GALNTL6: variants seen among roughly 807,000 people sequenced by gnomAD.
The protein encoded by GALNTL6 is polypeptide N-acetylgalactosaminyltransferase-like 6.
Under a neutral mutation model 73.7 loss-of-function variants are expected in GALNTL6, and 46 were observed. That is an observed-to-expected ratio of 0.62 (90% CI 0.49 to 0.80). GALNTL6 has a LOEUF of 0.80. Ranked by LOEUF, GALNTL6 falls within the 30% of genes least tolerant of loss-of-function variation. The pLI is 0.00. For missense variants in GALNTL6, 604 were observed against 755.0 expected, an observed-to-expected ratio of 0.80 and a Z score of 2.34; for synonymous variants, 259 against 263.7, an observed-to-expected ratio of 0.98 and a Z score of 0.17.
chr4:172,480,832 A>G (rs1373375041), intron 5 of GALNTL6, among the ~76,000 whole-genome samples: 1 of 152,162 alleles, frequency 6.6e-6, no homozygotes, highest in Non-Finnish European at 1.5e-5. Flanking sequence ...CCTTGGCATA[A>G]TACCCAGGCT....
chr4:172,770,649 A>G (rs1738712044), intron 5 of GALNTL6, among the ~76,000 whole-genome samples: 1 of 152,230 alleles, frequency 6.6e-6, no homozygotes, highest in Non-Finnish European at 1.5e-5. Flanking sequence ...TTTAATTGAC[A>G]AATCAAAGGT....
At chr4:172,030,683 C>A (rs542829213) in intron 2 of GALNTL6, among the ~76,000 whole-genome samples, 2 of 151,944 alleles carry the variant, frequency 1.3e-5, no homozygotes, top group Non-Finnish European at 2.9e-5. Flanking sequence ...GTACTCTAGC[C>A]TGGGCCACAC....
chr4:172,545,832 C>A (rs1451118455), intron 5 of GALNTL6: 1 of 152,110 alleles, frequency 6.6e-6, no homozygotes, highest in Non-Finnish European at 1.5e-5. Flanking sequence ...AAGGAGATGC[C>A]TGTGGCCTAT....
At chr4:172,294,422 G>A (rs554456262) in intron 3 of GALNTL6, among the ~76,000 whole-genome samples, 24 of 152,264 alleles carry the variant, frequency 1.6e-4, no homozygotes, top group African/African-American at 5.5e-4. Context: ...CTCAAAGGAA[G>A]ATGCTAGCAG....
intron 7 of GALNTL6, among the ~76,000 whole-genome samples, chr4:172,849,475 C>T (rs1406689007): frequency 6.6e-6 from 1 of 151,964 alleles, no homozygotes; most frequent in Admixed American, 6.6e-5. Flanking sequence ...AATAGGCTCT[C>T]AAAAAATGTT....
At position 172,367,843 on chromosome 4, in the gene GALNTL6, T is replaced by C. The variant is rs115071198; in HGVS notation, c.553+19154T>C. On this transcript the variant is annotated intron_variant, in intron 5 of 12. Transcript: ENST00000506823. ...CTTAATCTTTTGGGAGAAAAATATG[T>C]ATATGTCTCATTAACATCGCTTATA... Among the ~76,000 whole-genome samples the C allele has an allele frequency of 7.3e-3, 1,114 of 152,326 alleles. 12 individuals carry two copies. The highest frequency in any genetic ancestry group is 0.025 in the African/African-American group (1,051 of 41,568).
intron 2 of GALNTL6, among the ~76,000 whole-genome samples, chr4:172,052,041 A>T (rs373540135): frequency 1.3e-5 from 2 of 152,188 alleles, no homozygotes; most frequent in Admixed American, 1.3e-4. Flanking sequence ...CTTCTAGGAG[A>T]TGAAATATTG....
intron 5 of GALNTL6, among the ~76,000 whole-genome samples, chr4:172,605,102 G>T (rs1738204700): frequency 6.6e-6 from 1 of 152,152 alleles, no homozygotes; most frequent in South Asian, 2.1e-4. Flanking sequence ...TTGGCTAAAA[G>T]CATTTTATAG....
chr4:173,024,848 G>T (rs1579797644), intron 12 of GALNTL6, among the ~76,000 whole-genome samples: 1 of 152,086 alleles, frequency 6.6e-6, no homozygotes, highest in Admixed American at 6.5e-5. Context: ...CAAAATGCTG[G>T]GATTACAGGC....
chr4:171,909,660 C>A (rs558298563), intron 2 of GALNTL6, among the ~76,000 whole-genome samples: 2 of 152,238 alleles, frequency 1.3e-5, no homozygotes, highest in East Asian at 3.9e-4. Flanking sequence ...GAAAGTTTGC[C>A]ATAGACTTTT....
chr4:172,953,937 G>A (rs573043353), intron 10 of GALNTL6, among the ~76,000 whole-genome samples: 4 of 152,150 alleles, frequency 2.6e-5, no homozygotes, highest in South Asian at 4.1e-4. Flanking sequence ...TAATCCTAAC[G>A]TGTTGGAAGG....
intron 2 of GALNTL6, among the ~76,000 whole-genome samples, chr4:172,101,470 G>A (rs1314283248): frequency 1.3e-5 from 2 of 152,144 alleles, no homozygotes; most frequent in Admixed American, 1.3e-4. Context: ...AGAGAGAGAT[G>A]TATTAAAAAG....
chr4:172,443,355 G>A lies in GALNTL6; in HGVS notation c.553+94666G>A, dbSNP rs531293165. ...TAATTATTGTATTTTTAGTAGAGAC[G>A]GGTTTTTACCATGTTGGCCAGGCTG... is the stretch of plus-strand genomic sequence containing the variant. On this transcript the variant is annotated intron_variant, in intron 5 of 12. Coordinates refer to ENST00000506823, the MANE Select transcript of GALNTL6 (RefSeq NM_001034845.3). Among the ~76,000 whole-genome samples the A allele has an allele frequency of 1.5e-3, 232 of 150,790 alleles. 1 individual carries two copies. The highest frequency in any genetic ancestry group is 5.0e-3 in the African/African-American group (204 of 41,134).
At chr4:172,321,778 A>G (rs1230558494) in intron 4 of GALNTL6, among the ~76,000 whole-genome samples, 1 of 152,192 alleles carries the variant, frequency 6.6e-6, no homozygotes. Context: ...GCAGGGCAGG[A>G]GAGGGTCCCC....
intron 2 of GALNTL6, among the ~76,000 whole-genome samples, chr4:172,165,714 G>GCA (rs1437074676): frequency 1.3e-5 from 2 of 152,070 alleles, no homozygotes; most frequent in Non-Finnish European, 2.9e-5. Context: ...ATACCCATGG[G>GCA]CACACATACT....
intron 2 of GALNTL6, among the ~76,000 whole-genome samples, chr4:172,025,547 A>G (rs567344584): frequency 6.6e-6 from 1 of 151,658 alleles, no homozygotes; most frequent in Non-Finnish European, 1.5e-5. Context: ...TTTATCATTT[A>G]AAAAAAAGGG....
chr4:172,352,614 A>G (rs754646242), intron 5 of GALNTL6, among the ~76,000 whole-genome samples: 1 of 152,140 alleles, frequency 6.6e-6, no homozygotes, highest in Admixed American at 6.6e-5. Flanking sequence ...GCTTAACCTC[A>G]GAGATAGGGT....
chr4:172,303,004 A>T (rs532826706), intron 3 of GALNTL6, among the ~76,000 whole-genome samples: 6 of 151,612 alleles, frequency 4.0e-5, no homozygotes, highest in African/African-American at 1.5e-4. Flanking sequence ...TTATTTATTT[A>T]TTTTTATTTT....
chr4:172,851,815 G>A (rs564907130), intron 7 of GALNTL6, among the ~76,000 whole-genome samples: 1 of 152,296 alleles, frequency 6.6e-6, no homozygotes, highest in Admixed American at 6.5e-5. Context: ...TAGGGAGAGA[G>A]TGCTGGGTCA....
Sources: gnomAD v4.1 joint callset for allele counts (sites outside exome capture counted in the v4.1 genomes callset) on GRCh38, gnomAD v4.1.1 for gene constraint, MANE v1.5 for transcripts, NCBI Gene and HGNC (gene_info 2026-07-23, HGNC 2026-07-21) for gene names.